Variants in MAP4 observed in about 807,000 individuals in gnomAD.
The protein encoded by MAP4 is microtubule-associated protein 4.
In MAP4, 76 loss-of-function variants were observed where a neutral mutation model predicts 170.2. That is an observed-to-expected ratio of 0.45 (90% CI 0.37 to 0.54). The LOEUF is 0.54. Ranked by LOEUF, MAP4 falls within the 20% of genes least tolerant of loss-of-function variation. The pLI, the probability that MAP4 is intolerant of heterozygous loss-of-function variation, is 0.00. For synonymous variants in MAP4, 909 were observed against 994.5 expected (o/e 0.91, Z 1.62); for missense variants, 2,506 against 2,748.0 (o/e 0.91, Z 1.97).
Position 47,909,342 on chromosome 3 carries a change from CT to C in MAP4, c.5078del (p.Gln1693ArgfsTer20). The C allele has an allele frequency of 6.2e-7, 1 of 1,613,872 alleles. No individual in the cohort carries two copies. Among genetic ancestry groups the C allele is most frequent in the Non-Finnish European group, 8.5e-7 (1 of 1,179,794 alleles). ...CGACTTTGCTATGTAAGAAATCTGA[CT>C]GGATTTCTGGTGTTGGCAAGGAAAC... ...ESVSLPTPEI[Q>X]SDFLHSKVEA... On this transcript the variant is annotated frameshift_variant, in exon 9 of 21. Coordinates refer to ENST00000683076, the MANE Select transcript of MAP4 (RefSeq NM_001385682.1). LOFTEE classifies it high-confidence loss of function.
chr3:48,071,212 G>C (rs987685151), intron 1 of MAP4, among the ~76,000 whole-genome samples: 1 of 152,022 alleles, frequency 6.6e-6, no homozygotes, highest in Non-Finnish European at 1.5e-5. Context: ...GTGAATAAGA[G>C]GGAAAGGAAA....
intron 1 of MAP4, among the ~76,000 whole-genome samples, chr3:48,034,727 CT>C (rs2154523793): frequency 6.6e-6 from 1 of 150,946 alleles, no homozygotes; most frequent in South Asian, 2.1e-4. Flanking sequence ...TTTTTTTTCA[CT>C]TAGGCCAGGT....
chr3:47,986,194 G>A (rs1435921371), intron 2 of MAP4, among the ~76,000 whole-genome samples: 1 of 152,114 alleles, frequency 6.6e-6, no homozygotes, highest in African/African-American at 2.4e-5. Flanking sequence ...ACCCAGGCTG[G>A]ACTCAAACTC....
At chr3:47,902,499 C>A (rs2100030606) in intron 10 of MAP4, among the ~76,000 whole-genome samples, 1 of 151,736 alleles carries the variant, frequency 6.6e-6, no homozygotes, top group African/African-American at 2.4e-5. Context: ...CATGGTTAAA[C>A]CCCATCTCTA....
intron 1 of MAP4, among the ~76,000 whole-genome samples, chr3:48,062,494 T>TTA (rs1349336366): frequency 1.2e-3 from 98 of 81,536 alleles, no homozygotes; most frequent in Non-Finnish European, 1.4e-3. Context: ...GAATGATCAA[T>TTA]AAAAAAAAAA....
chr3:48,088,658 CA>C (rs1186080863), intron 1 of MAP4: 1 of 152,388 alleles, frequency 6.6e-6, no homozygotes, highest in African/African-American at 2.4e-5. Flanking sequence ...ACCGCCCTTC[CA>C]CGCCTCGGGC....
At chr3:47,924,816 A>T (rs1247480338) in intron 4 of MAP4, among the ~76,000 whole-genome samples, 2 of 148,564 alleles carry the variant, frequency 1.3e-5, no homozygotes, top group East Asian at 2.0e-4. Flanking sequence ...AAGCTACGAT[A>T]TTTTTTTTTT....
intron 3 of MAP4, among the ~76,000 whole-genome samples, chr3:47,971,682 T>C (rs975147060): frequency 6.6e-6 from 1 of 152,212 alleles, no homozygotes; most frequent in Non-Finnish European, 1.5e-5. Flanking sequence ...ACAAATAATT[T>C]GTAGTTAAGT....
At chr3:48,010,156 C>T (rs904310518) in intron 1 of MAP4, among the ~76,000 whole-genome samples, 5 of 152,308 alleles carry the variant, frequency 3.3e-5, no homozygotes, top group African/African-American at 4.8e-5. Context: ...TGATCCGGAC[C>T]ATTCAGGAAT....
In MAP4 at chr3:48,075,879, G is replaced by A. The variant is rs550372843; in HGVS notation, c.-20+12894C>T. Among the ~76,000 whole-genome samples the A allele has an allele frequency of 8.9e-4, 134 of 151,104 alleles. 2 individuals carry two copies. In the South Asian group the frequency reaches 0.027, roughly 30 times the overall value. On this transcript the variant is annotated intron_variant, in intron 1 of 18. Transcript: ENST00000360240. ...AATCCCAGCTACTTGGGAGGCTGAG[G>A]CAGGAGAATCGCTTGAACCCGGGAG...
intron 4 of MAP4, 104 bp downstream of exon 4, chr3:47,928,124 G>A: frequency 7.2e-7 from 1 of 1,382,330 alleles, no homozygotes; most frequent in East Asian, 2.3e-5. Context: ...TGTACTTTGT[G>A]ATCTATACTT....
intron 8 of MAP4, among the ~76,000 whole-genome samples, chr3:47,914,359 AC>A (rs2100037458): frequency 6.6e-6 from 1 of 152,012 alleles, no homozygotes; most frequent in Non-Finnish European, 1.5e-5. Context: ...GGAGTTTGAG[AC>A]CAGCCTGGCC....
intron 1 of MAP4, among the ~76,000 whole-genome samples, chr3:48,067,484 A>G (rs1313839247): frequency 1.3e-5 from 2 of 152,074 alleles, no homozygotes; most frequent in African/African-American, 4.8e-5. Flanking sequence ...CACAAGCCAC[A>G]GTGCACAGCT....
chr3:47,979,839 TTTC>T (rs2100084449), intron 2 of MAP4, among the ~76,000 whole-genome samples: 1 of 152,244 alleles, frequency 6.6e-6, no homozygotes, highest in Admixed American at 6.5e-5. Flanking sequence ...TGTTTTGTTT[TTTC>T]GAGACAGGGT....
chr3:48,059,882 A>G (rs531609607), intron 1 of MAP4, among the ~76,000 whole-genome samples: 1 of 151,760 alleles, frequency 6.6e-6, no homozygotes, highest in Non-Finnish European at 1.5e-5. Context: ...CAGGAGGCTG[A>G]GGCAGGAGAA....
At chr3:47,953,347 A>AC (rs2100065704) in intron 3 of MAP4, among the ~76,000 whole-genome samples, 1 of 152,052 alleles carries the variant, frequency 6.6e-6, no homozygotes, top group South Asian at 2.1e-4. Context: ...ACACACAGAG[A>AC]CCCCATCTCC....
chr3:47,970,118 A>T (rs145799627), intron 3 of MAP4, among the ~76,000 whole-genome samples: 71 of 152,262 alleles, frequency 4.7e-4, no homozygotes, highest in African/African-American at 1.7e-3. Context: ...CCCAAAATAA[A>T]CTACCTACAT....
chr3:47,899,211 C>CTAG (rs1349089781), intron 10 of MAP4, among the ~76,000 whole-genome samples: 2 of 152,164 alleles, frequency 1.3e-5, no homozygotes, highest in Non-Finnish European at 2.9e-5. Flanking sequence ...GGACTAAGTC[C>CTAG]TAGATTCAGC....
At chr3:47,972,050 A>G (rs2100079072) in intron 3 of MAP4, among the ~76,000 whole-genome samples, 1 of 152,256 alleles carries the variant, frequency 6.6e-6, no homozygotes, top group Non-Finnish European at 1.5e-5. Flanking sequence ...AGCTGTTTTA[A>G]TAAAAAGGAA....
Sources: gnomAD v4.1 joint callset for allele counts (sites outside exome capture counted in the v4.1 genomes callset) on GRCh38, gnomAD v4.1.1 for gene constraint, MANE v1.5 for transcripts, NCBI Gene and HGNC (gene_info 2026-07-23, HGNC 2026-07-21) for gene names.